ZNF491: variants seen among roughly 807,000 people sequenced by gnomAD.
ZNF491 encodes the protein zinc finger protein 491.
A neutral mutation model predicts 34.7 loss-of-function variants in ZNF491; 22 were observed. The observed-to-expected ratio is 0.63, with a 90% CI of 0.45 to 0.90. The LOEUF (loss-of-function observed/expected upper bound fraction) is 0.90. Ranked by LOEUF, ZNF491 falls within the 40% of genes least tolerant of loss-of-function variation. The pLI is 0.00. For missense variants in ZNF491, 559 were observed against 531.7 expected (o/e 1.05, Z -0.51); for synonymous variants, 148 against 174.3 (o/e 0.85, Z 1.19).
At chr19:11,800,041 G>C (rs935442853) in intron 1 of ZNF491, among the ~76,000 whole-genome samples, 3 of 152,128 alleles carry the variant, frequency 2.0e-5, no homozygotes, top group African/African-American at 7.2e-5. Flanking sequence ...CGACAGTATT[G>C]AATTTACAGC....
chr19:11,804,603 A>G lies in ZNF491; in HGVS notation c.-72A>G. ...ACCCAGGAGGAGTGGGCCTTGTTGA[A>G]TCCTTTCCAGAAGATCTCTACAGAG... On this transcript the variant is annotated 5_prime_UTR_variant, in exon 2 of 3. Coordinates refer to ENST00000323169, the MANE Select transcript of ZNF491 (RefSeq NM_152356.4). 6.5e-7 allele frequency: 1 copy of G among 1,535,420 alleles called. No individual in the cohort carries two copies. The highest frequency in any genetic ancestry group is 8.7e-7 in the Non-Finnish European group (1 of 1,143,406).
chr19:11,798,540 A>G lies in ZNF491; in HGVS notation c.-321A>G, dbSNP rs899624767. ...GCCCTGCCAACTGTCAATCCGGGGA[A>G]GCAGAAGGCCGCACTCAGAGTCTCT... On this transcript the variant is annotated 5_prime_UTR_variant, in exon 1 of 3. Coordinates refer to ENST00000323169, the MANE Select transcript of ZNF491 (RefSeq NM_152356.4). This position sits in a 1 kb window ranked among gnomAD's most constrained non-coding sequence, Gnocchi z 4.0. 1 of 152,392 alleles carries G rather than the reference A, an allele frequency of 6.6e-6. No individual in the cohort carries two copies. Among genetic ancestry groups the G allele is most frequent in the Non-Finnish European group, 1.5e-5 (1 of 68,198 alleles). 9.4% of individuals were successfully genotyped at this position (152,392 alleles called of 1,614,324 possible). A position where few individuals can be genotyped will look rare whatever the true frequency, so the allele number is the denominator to read the frequency against.
In ZNF491 at chr19:11,807,350, C is replaced by G; in HGVS notation, c.*83C>G. 2 of 968,862 alleles carry G rather than the reference C, an allele frequency of 2.1e-6. No homozygotes were observed. The highest frequency in any genetic ancestry group is 2.9e-6 in the Non-Finnish European group (2 of 682,120). 60.0% of individuals were successfully genotyped at this position (968,862 alleles called of 1,614,324 possible). On this transcript the variant is annotated 3_prime_UTR_variant, in exon 3 of 3. Coordinates refer to ENST00000323169, the MANE Select transcript of ZNF491 (RefSeq NM_152356.4). ...CAGGTTGGTCTTGAACTCCTGGCCT[C>G]AAGCATCCCTCCCAGCTTGAAGTGT...
Position 11,806,228 on chromosome 19 carries a change from C to T in ZNF491, c.275C>T (p.Thr92Ile). 6.2e-7 allele frequency: 1 copy of T among 1,613,398 alleles called. No individual in the cohort carries two copies. Among genetic ancestry groups the T allele is most frequent in the Non-Finnish European group, 8.5e-7 (1 of 1,179,830 alleles). Reference protein sequence around the residue: ...KALSHSHCFRTHERPHTREKP... With the variant: ...KALSHSHCFRIHERPHTREKP... Reference sequence around the variant, plus strand: ...TTGAGCCATAGCCACTGCTTTCGAACACATGAAAGGCCTCACACTAGAGAG... The same window carrying T: ...TTGAGCCATAGCCACTGCTTTCGAATACATGAAAGGCCTCACACTAGAGAG... The change falls in exon 3 of 3, where the codon ACA (threonine) becomes ATA (isoleucine). Residue 92 changes from threonine to isoleucine, a missense_variant. Physicochemically the swap from Thr to Ile is moderately conservative, Grantham distance 89. Coordinates refer to ENST00000323169, the MANE Select transcript of ZNF491 (RefSeq NM_152356.4).
Position 11,806,028 on chromosome 19 carries a change from G to A in ZNF491, c.75G>A (p.Met25Ile). The change falls in exon 3 of 3, where the codon ATG becomes ATA. Residue 25 changes from methionine (M) to isoleucine (I), a missense_variant. By Grantham distance (10) the Met-to-Ile change is conservative. Coordinates refer to ENST00000323169, the MANE Select transcript of ZNF491 (RefSeq NM_152356.4). ...GETFTQVPED[M>I]LNKKTLPGVK... is the part of the protein sequence containing the mutation. ...CTTTCACCCAGGTTCCGGAAGACAT[G>A]CTGAACAAGAAAACTCTTCCTGGAG... The A allele has an allele frequency of 1.2e-6, 2 of 1,613,794 alleles. No homozygotes were observed. Among genetic ancestry groups the A allele is most frequent in the Non-Finnish European group, 1.7e-6 (2 of 1,179,926 alleles).
rs1176892278 is a variant in ZNF491 at position 11,805,979 on chromosome 19, C to CAGA, written c.29_31dup (p.Glu10dup). On this transcript the variant is annotated inframe_insertion, in exon 3 of 3. Transcript: ENST00000323169. ...ATGGGAGAGAGACTCTTTGAGAGTG[C>CAGA]AGAAGGTAGTCAGTGTGGAGAAACT... is the stretch of plus-strand genomic sequence containing the variant. 3.8e-6 allele frequency: 6 copies of CAGA among 1,598,546 alleles called. No homozygotes were observed. The highest frequency in any genetic ancestry group is 4.3e-6 in the Non-Finnish European group (5 of 1,173,714).
intron 1 of ZNF491, 71 bp from the exon 2 acceptor site, chr19:11,804,471 T>G: frequency 7.0e-7 from 1 of 1,424,640 alleles, no homozygotes; most frequent in Non-Finnish European, 9.2e-7. Flanking sequence ...GAGAACTTCT[T>G]GGGAATAGAG....
chr19:11,801,611 C>G (rs528886780), intron 1 of ZNF491, among the ~76,000 whole-genome samples: 1 of 152,126 alleles, frequency 6.6e-6, no homozygotes, highest in Non-Finnish European at 1.5e-5. Flanking sequence ...ACCAAGATCG[C>G]GCCATTGCCC....
At chr19:11,805,758 G>A (rs1975602823) in intron 2 of ZNF491, among the ~76,000 whole-genome samples, 189 bp from the exon 3 acceptor site, 1 of 151,558 alleles carries the variant, frequency 6.6e-6, no homozygotes, top group African/African-American at 2.4e-5. Context: ...GAGGTGGGAG[G>A]ATCACTTGAG....
In ZNF491 at chr19:11,806,578, C is replaced by A. The variant is rs1442990762; in HGVS notation, c.625C>A (p.His209Asn). The change falls in exon 3 of 3, where the codon CAC becomes AAC. Residue 209 changes from histidine (H) to asparagine (N), a missense_variant. His to Asn is a moderately conservative substitution (Grantham distance 68). Coordinates refer to ENST00000323169, the MANE Select transcript of ZNF491 (RefSeq NM_152356.4). The stretch of plus-strand genomic sequence containing the variant: ...TTCCTTTCGCAGACATGAAAGGACA[C>A]ACACAGGAGAGAAGCCGTACAAATG... ...SSSFRRHERT[H>N]TGEKPYKCKE... The A allele has an allele frequency of 6.2e-7, 1 of 1,614,088 alleles. No homozygotes were observed. The highest frequency in any genetic ancestry group is 1.7e-5 in the Admixed American group (1 of 60,026).
Position 11,803,522 on chromosome 19 carries a change from A to G in ZNF491, c.-133-1020A>G, listed in dbSNP as rs576441688. ...GACCCAATCCAGTATACCCCACTGT[A>G]TTTAGTTCTCATGTCTCCTTGATCT... On this transcript the variant is annotated intron_variant, in intron 1 of 2. Transcript: ENST00000323169. Among the ~76,000 whole-genome samples the G allele has an allele frequency of 5.3e-5, 8 of 152,264 alleles. No homozygotes were observed. In the South Asian group the frequency reaches 1.7e-3, roughly 32 times the overall value.
At chr19:11,804,407 T>G in intron 1 of ZNF491, 135 bp from the exon 2 acceptor site, 1 of 1,245,896 alleles carries the variant, frequency 8.0e-7, no homozygotes, top group South Asian at 2.1e-5. Flanking sequence ...GACAGGGGAG[T>G]AAGAGGTCTG....
At chr19:11,805,308 T>A (rs576506144) in intron 2 of ZNF491, among the ~76,000 whole-genome samples, 1 of 147,802 alleles carries the variant, frequency 6.8e-6, no homozygotes, top group Non-Finnish European at 1.5e-5. Context: ...ACTCGGGAGG[T>A]TGAGGCAGAA....
chr19:11,805,366 G>A (rs1223776730), intron 2 of ZNF491, among the ~76,000 whole-genome samples: 3 of 134,922 alleles, frequency 2.2e-5, no homozygotes, highest in Admixed American at 1.7e-4. Context: ...CTGAGATCAC[G>A]CCATGGCACT....
chr19:11,801,429 G>T (rs1281910535), intron 1 of ZNF491, among the ~76,000 whole-genome samples: 1 of 152,044 alleles, frequency 6.6e-6, no homozygotes, highest in Non-Finnish European at 1.5e-5. Context: ...GGCTGAGGCG[G>T]GTGGATCATG....
chr19:11,798,855 G>A lies in ZNF491; in HGVS notation c.-134+128G>A, dbSNP rs1424787654. 6.6e-6 allele frequency: 1 copy of A among 152,372 alleles called. No homozygotes were observed. Among genetic ancestry groups the A allele is most frequent in the Non-Finnish European group, 1.5e-5 (1 of 68,176 alleles). The allele number at this position is 152,372 out of a possible 1,614,324, so 9.4% of individuals were successfully genotyped here. On this transcript the variant is annotated intron_variant, in intron 1 of 2. Coordinates refer to ENST00000323169, the MANE Select transcript of ZNF491 (RefSeq NM_152356.4). The surrounding 1 kb of genome is among the most constrained non-coding windows in gnomAD (Gnocchi z 4.0). Reference sequence around the variant, plus strand: ...GCGATTGGGACCCGCGTCCCCCATGGCGTGGCTTGGCCCTCGGTCCGCTCG... The same window carrying A: ...GCGATTGGGACCCGCGTCCCCCATGACGTGGCTTGGCCCTCGGTCCGCTCG...
At position 11,806,927 on chromosome 19, in the gene ZNF491, A is replaced by C; in HGVS notation, c.974A>C (p.Lys325Thr). 6.2e-7 allele frequency: 1 copy of C among 1,613,334 alleles called. No homozygotes were observed. The highest frequency in any genetic ancestry group is 8.5e-7 in the Non-Finnish European group (1 of 1,179,726). Residue 325 changes from lysine to threonine, a missense_variant, in exon 3 of 3, where the codon AAA becomes ACA. Coordinates refer to ENST00000323169, the MANE Select transcript of ZNF491 (RefSeq NM_152356.4). ...QYHERTHTGEKPDGCKQCGKA... is the reference protein window; with the variant it reads ...QYHERTHTGETPDGCKQCGKA... ...CATGAAAGGACTCACACTGGAGAGA[A>C]ACCCGATGGGTGTAAGCAATGTGGG...
intron 1 of ZNF491, 63 bp from the exon 2 acceptor site, chr19:11,804,479 G>C (rs1323703071): frequency 1.4e-6 from 2 of 1,451,952 alleles, no homozygotes; most frequent in Non-Finnish European, 1.8e-6. Context: ...CTTGGGAATA[G>C]AGTCTAGGCC....
At chr19:11,799,928 TAA>T (rs34687839) in intron 1 of ZNF491, among the ~76,000 whole-genome samples, 1 of 145,510 alleles carries the variant, frequency 6.9e-6, no homozygotes, top group Admixed American at 6.8e-5. Context: ...GAGACTCTGT[TAA>T]AAAAAAAAAA....
Sources: gnomAD v4.1 joint callset for allele counts (sites outside exome capture counted in the v4.1 genomes callset) on GRCh38, gnomAD v4.1.1 for gene constraint, Gnocchi (gnomAD v3.1) non-coding constraint, MANE v1.5 for transcripts, NCBI Gene and HGNC (gene_info 2026-07-23, HGNC 2026-07-21) for gene names.